CHSY1: variants seen among roughly 807,000 people sequenced by gnomAD.
CHSY1 encodes the protein N-acetylgalactosaminyl-proteoglycan 3-beta-glucuronosyltransferase 1.
Under a neutral mutation model 59.8 loss-of-function variants are expected in CHSY1, and 13 were observed. The observed-to-expected ratio is 0.22, with a 90% CI of 0.14 to 0.35. The LOEUF (loss-of-function observed/expected upper bound fraction) is 0.35. CHSY1 is among the 10% of genes least tolerant of loss of function. CHSY1 has a pLI of 1.00. For missense variants in CHSY1, 947 were observed against 1,030.6 expected, an observed-to-expected ratio of 0.92 and a Z score of 1.11; for synonymous variants, 459 against 401.2, an observed-to-expected ratio of 1.14 and a Z score of -1.72.
intron 2 of CHSY1, among the ~76,000 whole-genome samples, chr15:101,207,160 T>C (rs948543785): frequency 1.3e-5 from 2 of 152,242 alleles, no homozygotes; most frequent in Non-Finnish European, 2.9e-5. Context: ...TTGACAAATG[T>C]TTTTTATATT....
intron 2 of CHSY1, among the ~76,000 whole-genome samples, chr15:101,222,797 A>T (rs1030018925): frequency 6.6e-6 from 1 of 151,996 alleles, no homozygotes; most frequent in African/African-American, 2.4e-5. Flanking sequence ...TGGGGGGGGT[A>T]CCTGACACAA....
intron 2 of CHSY1, among the ~76,000 whole-genome samples, chr15:101,225,393 TATA>T (rs2038831152): frequency 6.6e-6 from 1 of 152,220 alleles, no homozygotes; most frequent in Non-Finnish European, 1.5e-5. Flanking sequence ...TGAATATTGA[TATA>T]CGTTTTAAAA....
intron 2 of CHSY1, among the ~76,000 whole-genome samples, chr15:101,228,279 G>T (rs1183034427): frequency 6.6e-6 from 1 of 151,518 alleles, no homozygotes; most frequent in East Asian, 1.9e-4. Context: ...GCATTCCAAA[G>T]GAAAACAGAA....
intron 1 of CHSY1, among the ~76,000 whole-genome samples, chr15:101,245,571 C>T (rs556573105): frequency 6.6e-6 from 1 of 152,284 alleles, no homozygotes; most frequent in East Asian, 1.9e-4. Flanking sequence ...TAATAAAGAG[C>T]AGCTTAGTTA....
chr15:101,192,863 T>G (rs1043312935), intron 2 of CHSY1, among the ~76,000 whole-genome samples: 2 of 152,196 alleles, frequency 1.3e-5, no homozygotes, highest in Non-Finnish European at 2.9e-5. Context: ...CTAGGCAACA[T>G]GTTTAAACTG....
intron 2 of CHSY1, among the ~76,000 whole-genome samples, chr15:101,189,181 T>C (rs1327890109): frequency 1.3e-5 from 2 of 152,218 alleles, no homozygotes; most frequent in Admixed American, 6.5e-5. Flanking sequence ...AGCCCGGGCC[T>C]GCCACGAAGC....
chr15:101,220,935 G>A (rs897242164), intron 2 of CHSY1, among the ~76,000 whole-genome samples: 7 of 152,156 alleles, frequency 4.6e-5, no homozygotes, highest in East Asian at 1.9e-4. Context: ...TCAGTCGACC[G>A]CCTTATCATG....
rs1160411533 is a variant in CHSY1, at chr15:101,251,260, C to T, written c.197G>A (p.Arg66His). 6.6e-6 allele frequency: 9 copies of T among 1,362,184 alleles called. No individual in the cohort carries two copies. The East Asian group carries it at 2.8e-4, about 43-fold the overall frequency. The allele number at this position is 1,362,184 out of a possible 1,614,324, so 84.4% of individuals were successfully genotyped here. The change falls in exon 1 of 3, where the codon CGC becomes CAC. Residue 66 changes from arginine (R) to histidine (H), a missense_variant. Physicochemically the swap from Arg to His is conservative, Grantham distance 29. This residue lies in a region of CHSY1 where 232 missense variants were observed against 188.5 expected (regional missense o/e 1.23). Transcript: ENST00000254190. ...SQAGGARGDARGAQLWPPGSD... is the reference protein window; with the variant it reads ...SQAGGARGDAHGAQLWPPGSD... ...GCCGGGCGGCCAGAGCTGCGCCCCG[C>T]GCGCATCGCCGCGCGCCCCGCCGGC...
intron 2 of CHSY1, among the ~76,000 whole-genome samples, chr15:101,214,180 G>C (rs1257413614): frequency 6.6e-6 from 1 of 152,212 alleles, no homozygotes; most frequent in Non-Finnish European, 1.5e-5. Context: ...TGCTGTCTGT[G>C]TGTGCAGAAC....
intron 1 of CHSY1, among the ~76,000 whole-genome samples, chr15:101,250,407 C>T (rs943587042): frequency 6.6e-6 from 1 of 152,188 alleles, no homozygotes; most frequent in Non-Finnish European, 1.5e-5. Context: ...ATTGGCTAAT[C>T]CCTTTGTTAA....
At chr15:101,193,215 A>G (rs1444051269) in intron 2 of CHSY1, among the ~76,000 whole-genome samples, 1 of 152,228 alleles carries the variant, frequency 6.6e-6, no homozygotes, top group Admixed American at 6.5e-5. Context: ...TCCGGCAAGC[A>G]GGCAACAAAC....
chr15:101,234,153 A>G (rs2038917189), intron 2 of CHSY1, among the ~76,000 whole-genome samples: 1 of 152,202 alleles, frequency 6.6e-6, no homozygotes, highest in Non-Finnish European at 1.5e-5. Flanking sequence ...CTACAAGCGG[A>G]CTTCCTTCGG....
intron 2 of CHSY1, among the ~76,000 whole-genome samples, chr15:101,205,965 G>A (rs1277072812): frequency 2.0e-5 from 3 of 151,526 alleles, no homozygotes; most frequent in African/African-American, 7.3e-5. Flanking sequence ...AAAAAAAAAA[G>A]AAGATTGTTT....
chr15:101,209,006 C>A (rs927420264), intron 2 of CHSY1, among the ~76,000 whole-genome samples: 1 of 152,132 alleles, frequency 6.6e-6, no homozygotes, highest in African/African-American at 2.4e-5. Context: ...TCAATTAATG[C>A]TAAAACTATT....
chr15:101,206,764 AGAGT>A (rs1316658451), intron 2 of CHSY1, among the ~76,000 whole-genome samples: 1 of 152,242 alleles, frequency 6.6e-6, no homozygotes, highest in Non-Finnish European at 1.5e-5. Flanking sequence ...AATGGCAGAG[AGAGT>A]GAACAAATAT....
intron 2 of CHSY1, among the ~76,000 whole-genome samples, chr15:101,190,868 AAAC>A (rs1230282379): frequency 3.3e-5 from 5 of 152,204 alleles, no homozygotes; most frequent in African/African-American, 4.8e-5. Flanking sequence ...ATGCAAATTC[AAAC>A]AACGAGATGC....
At chr15:101,216,565 A>C (rs2038735303) in intron 2 of CHSY1, among the ~76,000 whole-genome samples, 1 of 152,244 alleles carries the variant, frequency 6.6e-6, no homozygotes, top group African/African-American at 2.4e-5. Flanking sequence ...TGAGCCATCA[A>C]GCCACACAGA....
intron 2 of CHSY1, among the ~76,000 whole-genome samples, chr15:101,216,474 C>A (rs547583315): frequency 2.2e-4 from 34 of 152,244 alleles, no homozygotes; most frequent in Admixed American, 6.5e-4. Context: ...TCCTAATCGC[C>A]GAAAACCAAA....
At chr15:101,192,628 C>T (rs2038458508) in intron 2 of CHSY1, among the ~76,000 whole-genome samples, 1 of 152,196 alleles carries the variant, frequency 6.6e-6, no homozygotes, top group Non-Finnish European at 1.5e-5. Context: ...AGAGGATCAA[C>T]TAGAATTCTC....
Sources: allele counts gnomAD v4.1 joint callset (sites outside exome capture counted in the v4.1 genomes callset), GRCh38; gene constraint gnomAD v4.1.1; regional missense constraint gnomAD v4.1.1; transcripts MANE v1.5; gene names NCBI Gene and HGNC (gene_info 2026-07-23, HGNC 2026-07-21).